The following USH2A variants were observed in gnomAD, a reference collection of about 807,000 sequenced individuals.
USH2A encodes the protein Usher syndrome 2A (autosomal recessive, mild).
A neutral mutation model predicts 538.9 loss-of-function variants in USH2A; 443 were observed. The observed-to-expected ratio is 0.82, with a 90% CI of 0.76 to 0.89. USH2A has a LOEUF of 0.89. USH2A is among the 40% of genes least tolerant of loss of function. The pLI, the probability that USH2A is intolerant of heterozygous loss-of-function variation, is 0.00. For missense variants in USH2A, 6,633 were observed against 6,324.8 expected (o/e 1.05, Z -1.65); for synonymous variants, 2,413 against 2,273.5 (o/e 1.06, Z -1.75).
chr1:215,826,971 G>T lies in USH2A; in HGVS notation c.9372-9776C>A, dbSNP rs557761055. 3.9e-5 allele frequency among the ~76,000 whole-genome samples: 6 copies of T among 152,206 alleles called. No homozygotes were observed. In the South Asian group the frequency reaches 1.2e-3, roughly 32 times the overall value. On this transcript the variant is annotated intron_variant, in intron 47 of 71. Coordinates refer to ENST00000307340, the MANE Select transcript of USH2A (RefSeq NM_206933.4). Reference sequence around the variant, plus strand: ...ATATGTCCTCGATAATATGCAGGATGGTGGTACATTTGCAGAAGTGAGTGT... The same window carrying T: ...ATATGTCCTCGATAATATGCAGGATTGTGGTACATTTGCAGAAGTGAGTGT...
intron 11 of USH2A, among the ~76,000 whole-genome samples, chr1:216,283,542 G>C (rs2036825525): frequency 6.6e-6 from 1 of 151,884 alleles, no homozygotes; most frequent in Admixed American, 6.6e-5. Flanking sequence ...CAATGTTATG[G>C]GATATTGTTA....
Position 215,675,212 on chromosome 1 carries a change from C to G in USH2A, c.12699G>C (p.Trp4233Cys). ...TGTAGATTTTATATTCACACTGCGT[C>G]CATGGTTGCAAACCTGTGTCATTAT... ...FMYNDTGLQP[W>C]TQCEYKIYTW... The change falls in exon 63 of 72, where the codon TGG (tryptophan) becomes TGC (cysteine). Residue 4233 changes from tryptophan to cysteine, a missense_variant. Physicochemically the swap from Trp to Cys is radical, Grantham distance 215. Coordinates refer to ENST00000307340, the MANE Select transcript of USH2A (RefSeq NM_206933.4). 6.2e-7 allele frequency: 1 copy of G among 1,613,812 alleles called. No homozygotes were observed. Among genetic ancestry groups the G allele is most frequent in the South Asian group, 1.1e-5 (1 of 91,068 alleles).
chr1:216,251,184 G>C, intron 11 of USH2A, 86 bp from the exon 12 acceptor site: 1 of 1,376,592 alleles, frequency 7.3e-7, no homozygotes, highest in Non-Finnish European at 1.0e-6. Flanking sequence ...GGGAGGGAGG[G>C]AGAAGAAAAC....
Position 216,046,912 on chromosome 1 carries a change from A to G in USH2A, c.6164-320T>C, listed in dbSNP as rs552116093. On this transcript the variant is annotated intron_variant, in intron 31 of 71. Transcript: ENST00000307340. The stretch of plus-strand genomic sequence containing the variant: ...CTATTAAAGCAAATTAAGCAGATAG[A>G]GTCCCCTAGCCTCAAGGAGCTTGTG... Among the ~76,000 whole-genome samples, 84 of 152,280 alleles carry G rather than the reference A, an allele frequency of 5.5e-4. 1 individual carries two copies. The highest frequency in any genetic ancestry group is 4.3e-3 in the Admixed American group (66 of 15,288).
At chr1:216,174,265 T>C (rs2034328814) in intron 21 of USH2A, 1 of 983,460 alleles carries the variant, frequency 1.0e-6, no homozygotes, top group East Asian at 1.1e-4. Flanking sequence ...TTCTCATGGA[T>C]GATTAAATGA....
At chr1:216,393,637 TA>T (rs542476189) in intron 3 of USH2A, among the ~76,000 whole-genome samples, 8 of 151,874 alleles carry the variant, frequency 5.3e-5, no homozygotes, top group East Asian at 3.9e-4. Context: ...CACTGAAAAT[TA>T]AAAAAAATAT....
intron 41 of USH2A, among the ~76,000 whole-genome samples, chr1:215,881,276 G>C (rs1558142469): frequency 1.3e-5 from 2 of 152,160 alleles, no homozygotes; most frequent in African/African-American, 4.8e-5. Context: ...GAGTGGCTAG[G>C]AGTATACGCG....
At chr1:216,200,304 T>C (rs1233724889) in intron 16 of USH2A, among the ~76,000 whole-genome samples, 183 bp from the exon 17 acceptor site, 2 of 152,216 alleles carry the variant, frequency 1.3e-5, no homozygotes, top group African/African-American at 4.8e-5. Context: ...TTGCTTTTAT[T>C]ATTGAGTATA....
In USH2A at chr1:216,195,950, C is replaced by A. The variant is rs543360317; in HGVS notation, c.4251+603G>T. 4.1e-5 allele frequency: 7 copies of A among 170,664 alleles called. No homozygotes were observed. The South Asian group carries it at 1.4e-3, about 34-fold the overall frequency. The allele number at this position is 170,664 out of a possible 1,614,324, so 10.6% of individuals were successfully genotyped here. The stretch of plus-strand genomic sequence containing the variant: ...TGTATGTATCAGATGAATTAGTTCA[C>A]GTACACAGTAAAGCCTCAGTAACTT... On this transcript the variant is annotated intron_variant, in intron 19 of 71. Coordinates refer to ENST00000307340, the MANE Select transcript of USH2A (RefSeq NM_206933.4).
At chr1:215,709,530 G>C (rs1446455234) in intron 61 of USH2A, among the ~76,000 whole-genome samples, 1 of 150,894 alleles carries the variant, frequency 6.6e-6, no homozygotes, top group Admixed American at 6.6e-5. Context: ...TGATCACAAT[G>C]ATCTGATGAA....
In USH2A at chr1:215,743,104, T is replaced by G. The variant is rs1312310310; in HGVS notation, c.11548+73A>C. ...CTTTATATTTGGACTGAGAATGTAT[T>G]CCTTTTTAATGAAATTTTTTAATGA... On this transcript the variant is annotated intron_variant, in intron 59 of 71. Transcript: ENST00000307340. The G allele has an allele frequency of 2.6e-6, 4 of 1,546,058 alleles. No homozygotes were observed. The East Asian group carries it at 9.3e-5, about 36-fold the overall frequency.
In USH2A at chr1:216,332,638, C is replaced by T. The variant is rs150966622; in HGVS notation, c.785-4984G>A. 3.4e-3 allele frequency among the ~76,000 whole-genome samples: 519 copies of T among 152,196 alleles called. 1 individual carries two copies. The highest frequency in any genetic ancestry group is 0.014 in the Middle Eastern group (4 of 294). On this transcript the variant is annotated intron_variant, in intron 4 of 71. Transcript: ENST00000307340. ...AGTGTTGATGGCATTCTGCAACATGCGTACAGATCTCTCACCAGAGACTGG... is the reference window on the plus strand; with the variant it reads ...AGTGTTGATGGCATTCTGCAACATGTGTACAGATCTCTCACCAGAGACTGG...
At position 215,775,414 on chromosome 1, in the gene USH2A, G is replaced by A. The variant is rs373496427; in HGVS notation, c.10939+4429C>T. ...TTATCTCCATTCAAAACAGAATGTAGTCAAATACTAGTTTACTATTCAGTA... is the reference window on the plus strand; with the variant it reads ...TTATCTCCATTCAAAACAGAATGTAATCAAATACTAGTTTACTATTCAGTA... On this transcript the variant is annotated intron_variant, in intron 55 of 71. Coordinates refer to ENST00000307340, the MANE Select transcript of USH2A (RefSeq NM_206933.4). Among the ~76,000 whole-genome samples the A allele has an allele frequency of 6.6e-4, 100 of 152,284 alleles. 4 individuals carry two copies. The South Asian group carries it at 0.013, about 21-fold the overall frequency.
At chr1:216,314,418 GA>G (rs1438083253) in intron 9 of USH2A, among the ~76,000 whole-genome samples, 1 of 151,802 alleles carries the variant, frequency 6.6e-6, no homozygotes, top group Admixed American at 6.6e-5. Context: ...ATATAAAAAT[GA>G]ATTAATTTAC....
intron 11 of USH2A, among the ~76,000 whole-genome samples, chr1:216,251,756 T>C (rs2036168196): frequency 6.6e-6 from 1 of 152,134 alleles, no homozygotes; most frequent in Non-Finnish European, 1.5e-5. Context: ...TCTATTTTAT[T>C]CCTCTTGTTT....
chr1:215,920,936 C>T (rs1222312913), intron 38 of USH2A, among the ~76,000 whole-genome samples: 1 of 152,026 alleles, frequency 6.6e-6, no homozygotes, highest in African/African-American at 2.4e-5. Flanking sequence ...ATACTGTTCA[C>T]ATGGCTTATT....
At chr1:215,630,682 G>A (rs1371375401) in intron 70 of USH2A, among the ~76,000 whole-genome samples, 6 of 150,854 alleles carry the variant, frequency 4.0e-5, no homozygotes, top group Non-Finnish European at 7.4e-5. Context: ...GTGAAACCCC[G>A]TCTCTACTAA....
chr1:215,932,487 C>G, intron 38 of USH2A, among the ~76,000 whole-genome samples: 1 of 151,936 alleles, frequency 6.6e-6, no homozygotes. Context: ...TGAACTAAAA[C>G]CTATTTAATC....
intron 20 of USH2A, 119 bp from the exon 21 acceptor site, chr1:216,175,601 G>A: frequency 2.0e-6 from 2 of 978,784 alleles, no homozygotes; most frequent in Non-Finnish European, 3.2e-6. Flanking sequence ...AATCAGTTGT[G>A]GTTTCAAGTA....
Sources: gnomAD v4.1 joint callset for allele counts (sites outside exome capture counted in the v4.1 genomes callset) on GRCh38, gnomAD v4.1.1 for gene constraint, MANE v1.5 for transcripts, NCBI Gene and HGNC (gene_info 2026-07-23, HGNC 2026-07-21) for gene names.